The following SCN9A variants were observed in gnomAD, a reference collection of about 807,000 sequenced individuals.
SCN9A encodes sodium voltage-gated channel alpha subunit 9, also known as sodium channel protein type 9 subunit alpha.
SCN9A carries 131 observed loss-of-function variants against 187.0 expected under a neutral mutation model. The observed-to-expected ratio is 0.70, with a 90% CI of 0.61 to 0.81. SCN9A has a LOEUF of 0.81. SCN9A is among the 30% of genes least tolerant of loss of function. The pLI, the probability that SCN9A is intolerant of heterozygous loss-of-function variation, is 0.00. For missense variants in SCN9A, 2,252 were observed against 2,396.6 expected (o/e 0.94, Z 1.26); for synonymous variants, 809 against 808.6 (o/e 1.00, Z -0.01).
chr2:166,286,574 A>T lies in SCN9A; in HGVS notation c.1364T>A (p.Ile455Asn). 6.3e-7 allele frequency: 1 copy of T among 1,599,108 alleles called. No homozygotes were observed. The highest frequency in any genetic ancestry group is 8.5e-7 in the Non-Finnish European group (1 of 1,174,966). Reference protein sequence around the residue: ...AEYTSIRRSRIMGLSESSSET... With the variant: ...AEYTSIRRSRNMGLSESSSET... ...AGAAGAACTCTCTGAGAGGCCCATAATTCTGCTTCTCCTAATACTTGTATA... is the reference window on the plus strand; with the variant it reads ...AGAAGAACTCTCTGAGAGGCCCATATTTCTGCTTCTCCTAATACTTGTATA... The change falls in exon 11 of 27, where the codon ATT (isoleucine) becomes AAT (asparagine). Residue 455 changes from isoleucine (I) to asparagine (N), a missense_variant. By Grantham distance (149) the Ile-to-Asn change is moderately radical. This residue lies in a region of SCN9A where 1,013 missense variants were observed against 997.4 expected (regional missense o/e 1.02). Coordinates refer to ENST00000642356, the MANE Select transcript of SCN9A (RefSeq NM_001365536.1).
At chr2:166,357,470 A>G (rs1054906074) in intron 1 of SCN9A, among the ~76,000 whole-genome samples, 5 of 152,140 alleles carry the variant, frequency 3.3e-5, no homozygotes, top group African/African-American at 1.2e-4. Context: ...ATAGTTGACT[A>G]AAGGACTTCA....
Position 166,370,732 on chromosome 2 carries a change from T to A in SCN9A, c.-51+4965A>T, listed in dbSNP as rs548105826. Among the ~76,000 whole-genome samples, 386 of 151,970 alleles carry A rather than the reference T, an allele frequency of 2.5e-3. 3 individuals carry two copies. Among genetic ancestry groups the A allele is most frequent in the Non-Finnish European group, 3.5e-3 (241 of 67,974 alleles). On this transcript the variant is annotated intron_variant, in intron 1 of 26. Transcript: ENST00000642356. ...GGCTCAATTTTCCAATTATTTGTAC[T>A]AATAGTTTGACCTAAAAGTGGAGTA... is the stretch of plus-strand genomic sequence containing the variant.
chr2:166,322,361 G>T (rs1699265571), intron 1 of SCN9A, among the ~76,000 whole-genome samples: 1 of 152,066 alleles, frequency 6.6e-6, no homozygotes, highest in Admixed American at 6.6e-5. Context: ...GGTTTCAGTG[G>T]CTCACAGGTC....
intron 10 of SCN9A, among the ~76,000 whole-genome samples, chr2:166,286,962 C>T (rs968953503): frequency 6.6e-6 from 1 of 152,076 alleles, no homozygotes; most frequent in Non-Finnish European, 1.5e-5. Flanking sequence ...ATAAGACAGA[C>T]AATTTGATTA....
intron 1 of SCN9A, among the ~76,000 whole-genome samples, chr2:166,339,242 C>T (rs1305777793): frequency 6.6e-6 from 1 of 152,104 alleles, no homozygotes; most frequent in Non-Finnish European, 1.5e-5. Flanking sequence ...GCACACTGCT[C>T]TTCGGAAATC....
rs542763237 is a variant in SCN9A at position 166,314,607 on chromosome 2, A to G, written c.-50-2801T>C. Among the ~76,000 whole-genome samples the G allele has an allele frequency of 2.0e-4, 30 of 152,324 alleles. 1 individual carries two copies. The highest frequency in any genetic ancestry group is 3.4e-3 in the Middle Eastern group (1 of 294). On this transcript the variant is annotated intron_variant, in intron 1 of 26. Coordinates refer to ENST00000642356, the MANE Select transcript of SCN9A (RefSeq NM_001365536.1). Reference sequence around the variant, plus strand: ...ATAAAGGAATGTGGGATATTCAAACACTGAATTAGTATTTAGCAATAAAAA... The same window carrying G: ...ATAAAGGAATGTGGGATATTCAAACGCTGAATTAGTATTTAGCAATAAAAA...
At chr2:166,292,899 A>G (rs1047411043) in intron 9 of SCN9A, among the ~76,000 whole-genome samples, 4 of 152,128 alleles carry the variant, frequency 2.6e-5, no homozygotes, top group African/African-American at 4.8e-5. Flanking sequence ...GGCCATCCCA[A>G]GCACGCATGG....
chr2:166,214,863 A>G (rs1053357487), intron 24 of SCN9A, among the ~76,000 whole-genome samples: 2 of 151,306 alleles, frequency 1.3e-5, no homozygotes, highest in Non-Finnish European at 3.0e-5. Flanking sequence ...CAAGAACAGG[A>G]AGGTGGCTTC....
chr2:166,195,236 C>G lies in SCN9A; in HGVS notation c.*3436G>C, dbSNP rs1371905432. On this transcript the variant is annotated 3_prime_UTR_variant, in exon 27 of 27. Coordinates refer to ENST00000642356, the MANE Select transcript of SCN9A (RefSeq NM_001365536.1). ...AGATTATATTACAATGTGTCAGTCT[C>G]AAGTATAACTACAATATAACTACAA... is the stretch of plus-strand genomic sequence containing the variant. 6.6e-6 allele frequency: 1 copy of G among 152,144 alleles called. No individual in the cohort carries two copies. The highest frequency in any genetic ancestry group is 2.4e-5 in the African/African-American group (1 of 41,436). The allele number at this position is 152,144 out of a possible 1,614,324, so 9.4% of individuals were successfully genotyped here.
chr2:166,278,309 A>G lies in SCN9A; in HGVS notation c.2348T>C (p.Phe783Ser), dbSNP rs554539624. ...KNVLAIGNLV[F>S]TGIFAAEMVL... ...CATTTCAGCTGCAAAGATTCCAGTAAAGACCTAAGTGAGAAAAATAATGTT... is the reference window on the plus strand; with the variant it reads ...CATTTCAGCTGCAAAGATTCCAGTAGAGACCTAAGTGAGAAAAATAATGTT... Residue 783 changes from phenylalanine (F) to serine (S), a missense_variant, in exon 15 of 27, where the codon TTT becomes TCT. By Grantham distance (155) the Phe-to-Ser change is radical. Coordinates refer to ENST00000642356, the MANE Select transcript of SCN9A (RefSeq NM_001365536.1). 2.8e-5 allele frequency: 45 copies of G among 1,596,364 alleles called. No homozygotes were observed. In the South Asian group the frequency reaches 4.9e-4, roughly 17 times the overall value.
intron 1 of SCN9A, among the ~76,000 whole-genome samples, chr2:166,312,566 T>C (rs1698993192): frequency 6.6e-6 from 1 of 152,176 alleles, no homozygotes. Context: ...TGGTGAATCC[T>C]TTCCAGAAGA....
At chr2:166,331,345 G>C (rs1699498558) in intron 1 of SCN9A, among the ~76,000 whole-genome samples, 1 of 152,068 alleles carries the variant, frequency 6.6e-6, no homozygotes, top group Non-Finnish European at 1.5e-5. Context: ...ACTTGTTTTT[G>C]GTAATGGCAT....
intron 17 of SCN9A, among the ~76,000 whole-genome samples, chr2:166,254,481 T>C (rs907118430): frequency 5.9e-5 from 9 of 151,432 alleles, no homozygotes; most frequent in African/African-American, 2.2e-4. Flanking sequence ...CTGATATATA[T>C]AATAAAGTTT....
intron 1 of SCN9A, among the ~76,000 whole-genome samples, chr2:166,370,764 G>A (rs1438944963): frequency 6.6e-6 from 1 of 151,530 alleles, no homozygotes; most frequent in African/African-American, 2.4e-5. Context: ...AGTAAAATTT[G>A]CCTTACTGGC....
chr2:166,374,173 A>C (rs909804005), intron 1 of SCN9A, among the ~76,000 whole-genome samples: 7 of 152,300 alleles, frequency 4.6e-5, no homozygotes, highest in African/African-American at 1.7e-4. Flanking sequence ...AGCATCAGGT[A>C]CTCTGTGAGC....
Position 166,286,506 on chromosome 2 carries a change from T to A in SCN9A, c.1432A>T (p.Asn478Tyr), listed in dbSNP as rs761555650. The A allele has an allele frequency of 2.5e-6, 4 of 1,613,584 alleles. No homozygotes were observed. In the South Asian group the frequency reaches 4.4e-5, roughly 18 times the overall value. ...LSSKSAKERR[N>Y]RRKKKNQKKL... is the part of the protein sequence containing the mutation. ...TTTTGATTCTTTTTCTTTCTTCTGT[T>A]TCTTCTTTCTTTAGCACTTTTAGAG... The change falls in exon 11 of 27, where the codon AAC becomes TAC. Residue 478 changes from asparagine to tyrosine, a missense_variant. Asn to Tyr is a moderately radical substitution (Grantham distance 143, BLOSUM62 -2). Around this residue, in one of 7 missense-constraint regions of SCN9A, gnomAD observed 1,013 missense variants for 997.4 expected, o/e 1.02. Coordinates refer to ENST00000642356, the MANE Select transcript of SCN9A (RefSeq NM_001365536.1).
chr2:166,279,950 A>G (rs1430908619), intron 14 of SCN9A, among the ~76,000 whole-genome samples: 2 of 152,090 alleles, frequency 1.3e-5, no homozygotes. Context: ...TGAGGACCCA[A>G]ACACTTCACT....
chr2:166,257,849 G>C (rs976031275), intron 17 of SCN9A, among the ~76,000 whole-genome samples: 37 of 151,178 alleles, frequency 2.4e-4, no homozygotes, highest in Non-Finnish European at 4.9e-4. Context: ...CCATATTCTG[G>C]AATAAAATAG....
chr2:166,199,555 G>T lies in SCN9A; in HGVS notation c.5084C>A (p.Thr1695Lys). The change falls in exon 27 of 27, where the codon ACA becomes AAA. Residue 1695 changes from threonine to lysine, a missense_variant. Thr to Lys is a moderately conservative substitution (Grantham distance 78, BLOSUM62 -1). Transcript: ENST00000642356. ...CAATCCATCCCAGCCAGCAGAGGTT[G>T]TAATTTGGAACAGGCAAATCATACT... ...GNSMICLFQI[T>K]TSAGWDGLLA... 2 of 1,614,186 alleles carry T rather than the reference G, an allele frequency of 1.2e-6. No homozygotes were observed. Among genetic ancestry groups the T allele is most frequent in the Admixed American group, 1.7e-5 (1 of 60,024 alleles).
Sources: allele counts gnomAD v4.1 joint callset (sites outside exome capture counted in the v4.1 genomes callset), GRCh38; gene constraint gnomAD v4.1.1; regional missense constraint gnomAD v4.1.1; transcripts MANE v1.5; gene names NCBI Gene and HGNC (gene_info 2026-07-23, HGNC 2026-07-21).